CEP135: variants seen among roughly 807,000 people sequenced by gnomAD.
The protein encoded by CEP135 is centrosomal protein 135.
A neutral mutation model predicts 157.3 loss-of-function variants in CEP135; 142 were observed. The ratio of observed to expected loss-of-function variants is 0.90; its 90% CI spans 0.79 to 1.04. The LOEUF (loss-of-function observed/expected upper bound fraction) is 1.04, where lower values mean the gene tolerates loss of function less well. CEP135 is among the 50% of genes least tolerant of loss of function. The probability of loss-of-function intolerance (pLI) is 0.00; values close to 1 mark genes in which losing one functional copy is unlikely to be tolerated. For missense variants in CEP135, 1,317 were observed against 1,309.2 expected (o/e 1.01, Z -0.09); for synonymous variants, 396 against 439.8 (o/e 0.90, Z 1.25).
chr4:55,985,101 T>C (rs1478124839), intron 13 of CEP135, among the ~76,000 whole-genome samples, 180 bp from the exon 14 acceptor site: 1 of 152,246 alleles, frequency 6.6e-6, no homozygotes, highest in Non-Finnish European at 1.5e-5. Context: ...GTATTGTGCC[T>C]TTTTTAAACC....
In CEP135 at chr4:55,957,196, GT is replaced by G. The variant is rs1218692237; in HGVS notation, c.473-21del. On this transcript the variant is annotated intron_variant, in intron 4 of 25. Transcript: ENST00000257287. The stretch of plus-strand genomic sequence containing the variant: ...TAAGACATGGTTTTGTTTCTTCTTA[GT>G]TTTTTAAGACACTCATTCTTTTTAG... The G allele has an allele frequency of 9.3e-6, 15 of 1,607,340 alleles. No individual in the cohort carries two copies. The highest frequency in any genetic ancestry group is 1.3e-5 in the Non-Finnish European group (15 of 1,177,846).
chr4:56,008,268 A>G (rs565236943), intron 17 of CEP135, 59 bp from the exon 18 acceptor site: 3 of 1,254,964 alleles, frequency 2.4e-6, no homozygotes, highest in South Asian at 1.2e-5. Context: ...GACAAGTTAC[A>G]TAAATTTAGC....
At chr4:55,967,249 T>G (rs1728871995) in intron 8 of CEP135, among the ~76,000 whole-genome samples, 1 of 152,126 alleles carries the variant, frequency 6.6e-6, no homozygotes, top group Non-Finnish European at 1.5e-5. Flanking sequence ...TATCAGTGGG[T>G]TAAAGTGACA....
At chr4:56,008,456 A>G (rs1023525366) in intron 18 of CEP135, 74 bp downstream of exon 18, 76 of 1,129,292 alleles carry the variant, frequency 6.7e-5, no homozygotes, top group African/African-American at 1.1e-4. Context: ...ATTCAGTAGC[A>G]TTGCAGCAAT....
chr4:56,020,106 A>G (rs778257754), intron 23 of CEP135, among the ~76,000 whole-genome samples: 2 of 152,188 alleles, frequency 1.3e-5, no homozygotes, highest in Non-Finnish European at 2.9e-5. Context: ...CAGTTGAGGA[A>G]TGGACAGAGG....
chr4:55,980,083 C>T (rs990665424), intron 11 of CEP135, 60 bp from the exon 12 acceptor site: 1 of 1,329,702 alleles, frequency 7.5e-7, no homozygotes, highest in Non-Finnish European at 1.1e-6. Context: ...ATCTCATCAT[C>T]AGTATCCTTG....
intron 1 of CEP135, 36 bp from the exon 2 acceptor site, chr4:55,952,050 A>G (rs1045302821): frequency 7.6e-6 from 5 of 659,778 alleles, no homozygotes; most frequent in African/African-American, 1.8e-5. Flanking sequence ...AATCATAGCT[A>G]TAATAAGATA....
intron 7 of CEP135, 34 bp from the exon 8 acceptor site, chr4:55,965,610 T>C (rs1728815948): frequency 3.4e-6 from 5 of 1,460,464 alleles, no homozygotes; most frequent in Non-Finnish European, 4.7e-6. Flanking sequence ...AATTTTCCAA[T>C]TCATATACCT....
intron 21 of CEP135, among the ~76,000 whole-genome samples, chr4:56,014,708 A>G (rs188207336): frequency 6.6e-6 from 1 of 152,264 alleles, no homozygotes; most frequent in East Asian, 1.9e-4. Flanking sequence ...AGAGAAATGG[A>G]GCAAGGAACT....
chr4:55,999,855 G>A (rs148776758), intron 17 of CEP135, among the ~76,000 whole-genome samples: 1 of 152,236 alleles, frequency 6.6e-6, no homozygotes, highest in East Asian at 1.9e-4. Flanking sequence ...AGCCGGAAAA[G>A]TTTATTGTAT....
In CEP135 at chr4:56,024,060, C is replaced by CATATATT. The variant is rs1348849087; in HGVS notation, c.3321-428_3321-422dup. The stretch of plus-strand genomic sequence containing the variant: ...ATTGTATATTTTATAATATATGTTA[C>CATATATT]ATATATTATATATTATATAATTAGT... On this transcript the variant is annotated intron_variant, in intron 24 of 25. Coordinates refer to ENST00000257287, the MANE Select transcript of CEP135 (RefSeq NM_025009.5). Among the ~76,000 whole-genome samples the CATATATT allele has an allele frequency of 1.6e-4, 23 of 141,098 alleles. No homozygotes were observed. In the South Asian group the frequency reaches 5.1e-3, roughly 31 times the overall value. 92.6% of individuals were successfully genotyped at this position (141,098 alleles called of 152,430 possible). A position where few individuals can be genotyped will look rare whatever the true frequency, so the allele number is the denominator to read the frequency against.
intron 15 of CEP135, among the ~76,000 whole-genome samples, chr4:55,994,119 T>C (rs1326821428): frequency 6.6e-6 from 1 of 152,202 alleles, no homozygotes; most frequent in Non-Finnish European, 1.5e-5. Context: ...ATACAAACCA[T>C]GATACCCGGC....
chr4:56,014,010 A>G (rs1730683928), intron 21 of CEP135, among the ~76,000 whole-genome samples: 1 of 152,196 alleles, frequency 6.6e-6, no homozygotes, highest in Admixed American at 6.5e-5. Context: ...GTAGAAGTCA[A>G]GGAGTGTCAA....
At chr4:56,024,739 T>C in intron 25 of CEP135, 125 bp downstream of exon 25, 2 of 659,208 alleles carry the variant, frequency 3.0e-6, no homozygotes, top group Non-Finnish European at 5.4e-6. Context: ...CCTGGAGTAA[T>C]GGAAAAGTTC....
At chr4:55,960,504 G>A (rs978840834) in intron 6 of CEP135, 1 of 152,136 alleles carries the variant, frequency 6.6e-6, no homozygotes, top group African/African-American at 2.4e-5. Context: ...TGGGTAACAT[G>A]TTTTTCATTT....
At chr4:56,000,941 G>A (rs540026731) in intron 17 of CEP135, among the ~76,000 whole-genome samples, 1 of 151,992 alleles carries the variant, frequency 6.6e-6, no homozygotes, top group Non-Finnish European at 1.5e-5. Flanking sequence ...TTGATAAAAA[G>A]CATTCTAACT....
Position 55,971,378 on chromosome 4 carries a change from A to G in CEP135, c.1219A>G (p.Ser407Gly). The G allele has an allele frequency of 1.3e-6, 2 of 1,599,528 alleles. No homozygotes were observed. Among genetic ancestry groups the G allele is most frequent in the Non-Finnish European group, 1.7e-6 (2 of 1,175,318 alleles). ...GCTTGAACAAGAAAAGCAAAGACTT[A>G]GCAAAAAAGTTGAAAGTTTTGCAGT... ...HQLEQEKQRL[S>G]KKVESFAVTE... Residue 407 changes from serine to glycine, a missense_variant, in exon 10 of 26, where the codon AGC becomes GGC. Transcript: ENST00000257287.
intron 14 of CEP135, among the ~76,000 whole-genome samples, chr4:55,986,095 G>C (rs774514364): frequency 5.3e-5 from 8 of 152,100 alleles, no homozygotes; most frequent in African/African-American, 1.9e-4. Flanking sequence ...TTCTTTATTC[G>C]TAAGTAAGAA....
Position 55,991,970 on chromosome 4 carries a change from T to G in CEP135, c.1894T>G (p.Leu632Val), listed in dbSNP as rs748947242. The G allele has an allele frequency of 1.9e-6, 3 of 1,550,046 alleles. No homozygotes were observed. The East Asian group carries it at 6.8e-5, about 35-fold the overall frequency. The change falls in exon 15 of 26, where the codon TTA (leucine) becomes GTA (valine). Residue 632 changes from leucine (L) to valine (V), a missense_variant. Physicochemically the swap from Leu to Val is conservative, Grantham distance 32 (BLOSUM62 1). Transcript: ENST00000257287. ...SEKYELKSKV[L>V]IMKETIESLE... Reference sequence around the variant, plus strand: ...AAAATATGAATTAAAGTCTAAAGTGTTAATAATGAAAGAAACAATAGAGTC... The same window carrying G: ...AAAATATGAATTAAAGTCTAAAGTGGTAATAATGAAAGAAACAATAGAGTC...
Sources: allele counts gnomAD v4.1 joint callset (sites outside exome capture counted in the v4.1 genomes callset), GRCh38; gene constraint gnomAD v4.1.1; transcripts MANE v1.5; gene names NCBI Gene and HGNC (gene_info 2026-07-23, HGNC 2026-07-21).